GUCY1A2: variants seen among roughly 807,000 people sequenced by gnomAD.
GUCY1A2 encodes guanylate cyclase 1 soluble subunit alpha 2.
In GUCY1A2, 27 loss-of-function variants were observed where a neutral mutation model predicts 63.5. The ratio of observed to expected loss-of-function variants is 0.43; its 90% CI spans 0.31 to 0.59. GUCY1A2 has a LOEUF of 0.59. GUCY1A2 is among the 20% of genes least tolerant of loss of function. The pLI is 0.11. For missense variants in GUCY1A2, 768 were observed against 913.3 expected, an observed-to-expected ratio of 0.84 and a Z score of 2.05; for synonymous variants, 364 against 343.5, an observed-to-expected ratio of 1.06 and a Z score of -0.66.
At chr11:106,994,801 T>G (rs556764731) in intron 1 of GUCY1A2, among the ~76,000 whole-genome samples, 15 of 152,362 alleles carry the variant, frequency 9.8e-5, no homozygotes, top group Admixed American at 3.3e-4. Context: ...ACTTACCATG[T>G]ATCTAACTGA....
At chr11:106,718,640 A>G (rs1863258125) in intron 6 of GUCY1A2, among the ~76,000 whole-genome samples, 2 of 152,280 alleles carry the variant, frequency 1.3e-5, no homozygotes, top group African/African-American at 4.8e-5. Context: ...AGTCTTAAAA[A>G]TCTTTTCAAA....
intron 4 of GUCY1A2, among the ~76,000 whole-genome samples, chr11:106,817,571 C>G (rs545372391): frequency 3.9e-5 from 6 of 152,110 alleles, no homozygotes; most frequent in African/African-American, 4.8e-5. Flanking sequence ...AAACGACATA[C>G]AGAATAGGGG....
chr11:106,828,228 T>C (rs1859001371), intron 4 of GUCY1A2, among the ~76,000 whole-genome samples: 1 of 152,178 alleles, frequency 6.6e-6, no homozygotes, highest in South Asian at 2.1e-4. Flanking sequence ...TTTTTGGTTT[T>C]GTTGCATTTG....
chr11:106,981,084 T>C (rs1397648837), intron 2 of GUCY1A2, among the ~76,000 whole-genome samples: 1 of 152,252 alleles, frequency 6.6e-6, no homozygotes, highest in Non-Finnish European at 1.5e-5. Flanking sequence ...TATTAGCTTT[T>C]GTCTAATTTG....
At chr11:106,896,269 C>T (rs1056488413) in intron 4 of GUCY1A2, among the ~76,000 whole-genome samples, 1 of 151,908 alleles carries the variant, frequency 6.6e-6, no homozygotes, top group African/African-American at 2.4e-5. Context: ...CAAAATCCAA[C>T]GTCAATTAAA....
rs556537004 is a variant in GUCY1A2 at position 106,682,472 on chromosome 11, C to T, written c.*5077G>A. 45 of 209,676 alleles carry T rather than the reference C, an allele frequency of 2.1e-4. No individual in the cohort carries two copies. Among genetic ancestry groups the T allele is most frequent in the African/African-American group, 8.4e-4 (37 of 44,210 alleles). The allele number at this position is 209,676 out of a possible 1,614,324, so 13.0% of individuals were successfully genotyped here. On this transcript the variant is annotated 3_prime_UTR_variant, in exon 8 of 8. Transcript: ENST00000526355. ...TCTTCTGTATTCCTAAAACTCCCTA[C>T]GGAATTCTTATGAAGCCAGCCAGAT...
chr11:106,698,119 A>ATTTTTTTTTTTT (rs71470827), intron 7 of GUCY1A2, among the ~76,000 whole-genome samples: 1,577 of 100,324 alleles, frequency 0.016, 197 homozygotes, highest in East Asian at 0.092. Context: ...GAATGTTAGA[A>ATTTTTTTTTTTT]TTTTTTTTTT....
intron 4 of GUCY1A2, chr11:106,827,739 G>A: frequency 6.5e-7 from 1 of 1,532,124 alleles, no homozygotes; most frequent in Non-Finnish European, 9.0e-7. Flanking sequence ...CTTGAAATTT[G>A]TAACTGCTTT....
intron 4 of GUCY1A2, chr11:106,827,633 G>A (rs754866872): frequency 2.0e-5 from 31 of 1,527,624 alleles, no homozygotes; most frequent in African/African-American, 2.7e-5. Context: ...GTTGCTTTAC[G>A]CCAGATTCTA....
At chr11:106,875,303 T>C (rs1192270429) in intron 4 of GUCY1A2, among the ~76,000 whole-genome samples, 1 of 152,138 alleles carries the variant, frequency 6.6e-6, no homozygotes, top group African/African-American at 2.4e-5. Context: ...CAGAGGGACC[T>C]TGAAGAGACT....
chr11:106,997,617 ACCCC>A (rs377457144), intron 1 of GUCY1A2, among the ~76,000 whole-genome samples: 18 of 119,766 alleles, frequency 1.5e-4, no homozygotes, highest in South Asian at 2.8e-4. Context: ...AAGATAGGGA[ACCCC>A]CCCCCCCCAC....
chr11:106,746,400 G>A, intron 6 of GUCY1A2: 1 of 462,992 alleles, frequency 2.2e-6, no homozygotes, highest in South Asian at 3.5e-5. Flanking sequence ...ACAAAGTAGA[G>A]TCTCAACAAA....
chr11:106,866,995 A>G (rs999666613), intron 4 of GUCY1A2, among the ~76,000 whole-genome samples: 21 of 152,024 alleles, frequency 1.4e-4, no homozygotes, highest in African/African-American at 4.8e-4. Flanking sequence ...CTAAGTATAA[A>G]TATTAACCAA....
At chr11:106,766,173 A>G (rs1452800870) in intron 6 of GUCY1A2, among the ~76,000 whole-genome samples, 3 of 152,166 alleles carry the variant, frequency 2.0e-5, no homozygotes, top group Non-Finnish European at 4.4e-5. Flanking sequence ...TGTTAGTACC[A>G]CATTTGCAAC....
chr11:106,974,088 C>T (rs1250668230), intron 3 of GUCY1A2, among the ~76,000 whole-genome samples: 1 of 152,040 alleles, frequency 6.6e-6, no homozygotes, highest in African/African-American at 2.4e-5. Context: ...CTCTAAATCA[C>T]TACATTATAG....
intron 6 of GUCY1A2, among the ~76,000 whole-genome samples, chr11:106,709,462 AG>A (rs1389359562): frequency 2.2e-5 from 2 of 91,920 alleles, no homozygotes; most frequent in African/African-American, 9.3e-5. Context: ...CTATATTTAT[AG>A]AATAATATAT....
At chr11:106,929,560 T>A (rs1591331566) in intron 4 of GUCY1A2, among the ~76,000 whole-genome samples, 1 of 152,314 alleles carries the variant, frequency 6.6e-6, no homozygotes, top group Non-Finnish European at 1.5e-5. Context: ...ATATGGATAC[T>A]CTCCCTATTC....
chr11:106,809,910 A>C (rs1165841625), intron 5 of GUCY1A2, 83 bp downstream of exon 5: 2 of 878,628 alleles, frequency 2.3e-6, no homozygotes, highest in African/African-American at 3.5e-5. Context: ...TTTAGTATCA[A>C]GTTTAAGTAA....
At chr11:106,916,531 T>A (rs562838686) in intron 4 of GUCY1A2, among the ~76,000 whole-genome samples, 1 of 145,660 alleles carries the variant, frequency 6.9e-6, no homozygotes, top group African/African-American at 2.4e-5. Context: ...ATATCCTTCA[T>A]GTTCCTGCTT....
Sources: allele counts gnomAD v4.1 joint callset (sites outside exome capture counted in the v4.1 genomes callset), GRCh38; gene constraint gnomAD v4.1.1; transcripts MANE v1.5; gene names NCBI Gene and HGNC (gene_info 2026-07-23, HGNC 2026-07-21).